The following MBD3L1 variants were observed in gnomAD, a reference collection of about 807,000 sequenced individuals.
The protein encoded by MBD3L1 is methyl-CpG binding domain protein 3 like 1.
For missense variants in MBD3L1, 203 were observed against 230.1 expected (o/e 0.88, Z 0.76); for synonymous variants, 84 against 85.1 (o/e 0.99, Z 0.07).
intron 1 of MBD3L1, among the ~76,000 whole-genome samples, chr19:8,835,159 C>G (rs997222568): frequency 1.3e-5 from 2 of 151,566 alleles, no homozygotes; most frequent in African/African-American, 4.9e-5. Flanking sequence ...TCAAGCGATT[C>G]TCCTGCCTCA....
At chr19:8,836,975 A>G (rs1393102399) in intron 1 of MBD3L1, among the ~76,000 whole-genome samples, 1 of 152,242 alleles carries the variant, frequency 6.6e-6, no homozygotes, top group South Asian at 2.1e-4. Context: ...GCTATGAACC[A>G]CACACTCCTT....
intron 2 of MBD3L1, 189 bp from the exon 3 acceptor site, chr19:8,842,469 T>C: frequency 3.7e-6 from 2 of 542,292 alleles, no homozygotes; most frequent in Non-Finnish European, 6.6e-6. Flanking sequence ...TGCAGGATGA[T>C]GAAGGAGATT....
At position 8,842,920 on chromosome 19, in the gene MBD3L1, G is replaced by T; in HGVS notation, c.242G>T (p.Gly81Val). Residue 81 changes from glycine (G) to valine (V), a missense_variant, in exon 3 of 3, where the codon GGA becomes GTA. Coordinates refer to ENST00000595891, the MANE Select transcript of MBD3L1 (RefSeq NM_001393532.1). Reference protein sequence around the residue: ...LQGLQAYSSAGELSSTLDLAN... With the variant: ...LQGLQAYSSAVELSSTLDLAN... ...GGACTCCAGGCTTACAGCAGTGCAG[G>T]AGAACTTTCAAGCACTTTGGATCTT... 6.2e-7 allele frequency: 1 copy of T among 1,614,238 alleles called. No individual in the cohort carries two copies. The highest frequency in any genetic ancestry group is 8.5e-7 in the Non-Finnish European group (1 of 1,180,040).
chr19:8,835,008 C>A (rs1418811546), intron 1 of MBD3L1, among the ~76,000 whole-genome samples: 1 of 151,402 alleles, frequency 6.6e-6, no homozygotes, highest in Non-Finnish European at 1.5e-5. Context: ...AGGCTTGCGA[C>A]TCAGCAATAA....
chr19:8,838,634 A>G (rs966540781), intron 1 of MBD3L1, among the ~76,000 whole-genome samples: 3 of 152,220 alleles, frequency 2.0e-5, no homozygotes, highest in African/African-American at 7.2e-5. Flanking sequence ...CATGCAATCA[A>G]TGTAAAAATT....
chr19:8,835,865 T>C (rs907501636), intron 1 of MBD3L1, among the ~76,000 whole-genome samples: 5 of 152,224 alleles, frequency 3.3e-5, no homozygotes, highest in African/African-American at 1.2e-4. Flanking sequence ...ACATATTCCA[T>C]GGATGAACCT....
intron 1 of MBD3L1, among the ~76,000 whole-genome samples, chr19:8,836,388 TTCCTCCTCCTCCTTG>T (rs1354370117): frequency 6.6e-6 from 1 of 151,598 alleles, no homozygotes; most frequent in Non-Finnish European, 1.5e-5. Context: ...ACTCCTCCCC[TTCCTCCTCCTCCTTG>T]TCCTCCTCCT....
chr19:8,836,196 TATACAC>T (rs540714406), intron 1 of MBD3L1, among the ~76,000 whole-genome samples: 12 of 152,290 alleles, frequency 7.9e-5, no homozygotes, highest in Middle Eastern at 6.8e-3. Context: ...AATGTAGAAT[TATACAC>T]ATAAATTCTT....
chr19:8,838,605 C>T (rs2044479446), intron 1 of MBD3L1, among the ~76,000 whole-genome samples: 1 of 152,096 alleles, frequency 6.6e-6, no homozygotes. Context: ...CTGCGATGGC[C>T]AACATATTCT....
intron 2 of MBD3L1, 58 bp from the exon 3 acceptor site, chr19:8,842,600 C>G: frequency 7.9e-7 from 1 of 1,261,272 alleles, no homozygotes. Flanking sequence ...AGATCCTTGT[C>G]CTGAGAAGGC....
rs1221091745 is a variant in MBD3L1 at position 8,840,944 on chromosome 19, C to T, written c.-77C>T. ...CATATGACGGTGGTAGCCATGGCGT[C>T]ACAGAGAACAGGGACCTTCCAAGTT... On this transcript the variant is annotated 5_prime_UTR_variant, in exon 2 of 3. Transcript: ENST00000595891. 1 of 151,644 alleles carries T rather than the reference C, an allele frequency of 6.6e-6. No individual in the cohort carries two copies. The highest frequency in any genetic ancestry group is 1.5e-5 in the Non-Finnish European group (1 of 67,954). 9.4% of individuals were successfully genotyped at this position (151,644 alleles called of 1,614,324 possible). A position where few individuals can be genotyped will look rare whatever the true frequency, so the allele number is the denominator to read the frequency against.
At chr19:8,836,470 C>A (rs77786966) in intron 1 of MBD3L1, among the ~76,000 whole-genome samples, 2 of 150,284 alleles carry the variant, frequency 1.3e-5, no homozygotes, top group Admixed American at 1.3e-4. Context: ...CTCCTCCCCC[C>A]CTCTCCTCCT....
At chr19:8,841,311 C>T (rs375641849) in intron 2 of MBD3L1, among the ~76,000 whole-genome samples, 4 of 151,294 alleles carry the variant, frequency 2.6e-5, no homozygotes, top group South Asian at 2.1e-4. Flanking sequence ...AGATTACAGG[C>T]GTGGAGCCAC....
At chr19:8,833,817 G>A (rs1055611278) in intron 1 of MBD3L1, among the ~76,000 whole-genome samples, 5 of 152,038 alleles carry the variant, frequency 3.3e-5, no homozygotes, top group African/African-American at 4.8e-5. Context: ...GTGAAACCCC[G>A]TCTCTACTAA....
rs143946206 is a variant in MBD3L1, at chr19:8,842,754, A to G, written c.76A>G (p.Ile26Val). 19 of 1,614,100 alleles carry G rather than the reference A, an allele frequency of 1.2e-5. No homozygotes were observed. The highest frequency in any genetic ancestry group is 1.1e-4 in the South Asian group (10 of 91,088). Residue 26 changes from isoleucine (I) to valine (V), a missense_variant, in exon 3 of 3, where the codon ATC becomes GTC. Coordinates refer to ENST00000595891, the MANE Select transcript of MBD3L1 (RefSeq NM_001393532.1). ...CKSKPGLSTS[I>V]PLRMSSYTFK... is the part of the protein sequence containing the mutation. ...ATCAAAGCCTGGCTTGAGCACCTCA[A>G]TCCCTTTGAGAATGTCCAGTTACAC...
At chr19:8,833,803 C>T (rs1469254380) in intron 1 of MBD3L1, among the ~76,000 whole-genome samples, 1 of 152,136 alleles carries the variant, frequency 6.6e-6, no homozygotes. Flanking sequence ...AGCCTGCCAA[C>T]ATGGTGAAAC....
chr19:8,842,458 T>C, intron 2 of MBD3L1, 200 bp from the exon 3 acceptor site: 1 of 525,192 alleles, frequency 1.9e-6, no homozygotes, highest in Non-Finnish European at 3.4e-6. Flanking sequence ...AGGAGGGGGT[T>C]TGCAGGATGA....
chr19:8,834,036 C>T (rs938548893), intron 1 of MBD3L1, among the ~76,000 whole-genome samples: 1 of 151,914 alleles, frequency 6.6e-6, no homozygotes, highest in Non-Finnish European at 1.5e-5. Flanking sequence ...AAAAAAGATA[C>T]TGGTAAGTGC....
In MBD3L1 at chr19:8,834,162, T is replaced by A. The variant is rs1599306752; in HGVS notation, c.-107+1640T>A. On this transcript the variant is annotated intron_variant, in intron 1 of 2. Coordinates refer to ENST00000595891, the MANE Select transcript of MBD3L1 (RefSeq NM_001393532.1). ...GTCCTTTCAGAAAAAAATAGTTAGA[T>A]CTCTGCTTCCCAAAAATATCCATTT... 5.3e-5 allele frequency among the ~76,000 whole-genome samples: 8 copies of A among 152,252 alleles called. 1 individual carries two copies. The highest frequency in any genetic ancestry group is 1.3e-4 in the Admixed American group (2 of 15,294).
Sources: gnomAD v4.1 joint callset for allele counts (sites outside exome capture counted in the v4.1 genomes callset) on GRCh38, gnomAD v4.1.1 for gene constraint, MANE v1.5 for transcripts, NCBI Gene and HGNC (gene_info 2026-07-23, HGNC 2026-07-21) for gene names.